The following GREB1L variants were observed in gnomAD, a reference collection of about 807,000 sequenced individuals.
GREB1L encodes the protein GREB1 like retinoic acid receptor coactivator, also known as GREB1-like protein.
A neutral mutation model predicts 200.8 loss-of-function variants in GREB1L; 17 were observed. The observed-to-expected ratio is 0.08, with a 90% confidence interval of 0.06 to 0.13. The LOEUF (loss-of-function observed/expected upper bound fraction) is 0.13. Ranked by LOEUF, GREB1L falls within the 10% of genes least tolerant of loss-of-function variation. The pLI, the probability that GREB1L is intolerant of heterozygous loss-of-function variation, is 1.00. For missense variants in GREB1L, 1,657 were observed against 2,367.7 expected (o/e 0.70, Z 6.23); for synonymous variants, 789 against 893.0 (o/e 0.88, Z 2.08).
At chr18:21,419,853 A>G (rs957491386) in intron 7 of GREB1L, among the ~76,000 whole-genome samples, 1 of 152,220 alleles carries the variant, frequency 6.6e-6, no homozygotes, top group Non-Finnish European at 1.5e-5. Flanking sequence ...CAAAAACATG[A>G]ACTTTGATCT....
intron 7 of GREB1L, among the ~76,000 whole-genome samples, chr18:21,415,383 G>T (rs1241139589): frequency 3.9e-5 from 6 of 152,110 alleles, no homozygotes; most frequent in Non-Finnish European, 8.8e-5. Context: ...AGGCATGATG[G>T]CGTGTGCCTG....
At chr18:21,360,417 C>T (rs1251210704) in intron 1 of GREB1L, among the ~76,000 whole-genome samples, 1 of 151,874 alleles carries the variant, frequency 6.6e-6, no homozygotes, top group Non-Finnish European at 1.5e-5. Flanking sequence ...GTAGAGATGG[C>T]GTTTCGCCAT....
At chr18:21,328,368 A>G (rs2039056506) in intron 1 of GREB1L, among the ~76,000 whole-genome samples, 1 of 152,194 alleles carries the variant, frequency 6.6e-6, no homozygotes, top group African/African-American at 2.4e-5. Flanking sequence ...TGCTTTGTGT[A>G]TCCCAGTAAG....
intron 27 of GREB1L, among the ~76,000 whole-genome samples, chr18:21,512,014 T>C (rs2037257760): frequency 6.6e-6 from 1 of 152,190 alleles, no homozygotes; most frequent in Non-Finnish European, 1.5e-5. Context: ...TCAAAAATCA[T>C]TTGACCATAT....
At chr18:21,419,443 A>G (rs533123246) in intron 7 of GREB1L, among the ~76,000 whole-genome samples, 1 of 152,236 alleles carries the variant, frequency 6.6e-6, no homozygotes, top group South Asian at 2.1e-4. Context: ...ACATACAGGG[A>G]CAACTGACTT....
In GREB1L at chr18:21,524,733, T is replaced by A. The variant is rs181085403; in HGVS notation, c.*1912T>A. On this transcript the variant is annotated 3_prime_UTR_variant, in exon 33 of 33. Transcript: ENST00000424526. Reference sequence around the variant, plus strand: ...AGAACTTTTTTTTTAAGTAGTTACATCAGATGCAGGTACTCCATTAGTTAG... The same window carrying A: ...AGAACTTTTTTTTTAAGTAGTTACAACAGATGCAGGTACTCCATTAGTTAG... 3.3e-5 allele frequency: 5 copies of A among 152,208 alleles called. No homozygotes were observed. Among genetic ancestry groups the A allele is most frequent in the African/African-American group, 1.2e-4 (5 of 41,550 alleles). 9.4% of individuals were successfully genotyped at this position (152,208 alleles called of 1,614,324 possible).
chr18:21,444,500 A>G (rs2034097698), intron 11 of GREB1L, 91 bp downstream of exon 11: 2 of 1,028,442 alleles, frequency 1.9e-6, no homozygotes, highest in Non-Finnish European at 2.8e-6. Flanking sequence ...TTATCCTCCT[A>G]TCTCTTATTT....
chr18:21,484,179 A>ATT (rs796268088), intron 17 of GREB1L, among the ~76,000 whole-genome samples: 1 of 141,328 alleles, frequency 7.1e-6, no homozygotes, highest in Admixed American at 7.2e-5. Flanking sequence ...TATATATATA[A>ATT]TTTTTTTTTT....
intron 1 of GREB1L, among the ~76,000 whole-genome samples, chr18:21,316,136 G>C (rs1184195981): frequency 6.6e-6 from 1 of 152,166 alleles, no homozygotes; most frequent in Non-Finnish European, 1.5e-5. Flanking sequence ...CCCATCACAT[G>C]ATGAGGAAAG....
chr18:21,364,706 G>A (rs2039636282), intron 1 of GREB1L, among the ~76,000 whole-genome samples: 2 of 152,174 alleles, frequency 1.3e-5, no homozygotes, highest in Admixed American at 1.3e-4. Flanking sequence ...GTGGCCCAGG[G>A]CCAAAGGTCT....
intron 11 of GREB1L, among the ~76,000 whole-genome samples, chr18:21,448,975 C>T (rs2034384672): frequency 6.6e-6 from 1 of 152,138 alleles, no homozygotes; most frequent in Non-Finnish European, 1.5e-5. Flanking sequence ...AGGCTGCCTC[C>T]AATATCACTT....
chr18:21,325,064 A>G (rs1294181120), intron 1 of GREB1L, among the ~76,000 whole-genome samples: 1 of 152,130 alleles, frequency 6.6e-6, no homozygotes, highest in African/African-American at 2.4e-5. Context: ...CTACTGGTAG[A>G]AGTCTGTTTT....
chr18:21,472,895 G>GA, intron 15 of GREB1L, 136 bp from the exon 16 acceptor site: 1 of 558,554 alleles, frequency 1.8e-6, no homozygotes, highest in Non-Finnish European at 3.1e-6. Flanking sequence ...ACATAAGAAA[G>GA]AAAAAACATC....
intron 7 of GREB1L, among the ~76,000 whole-genome samples, chr18:21,405,077 T>G (rs2030014965): frequency 6.6e-6 from 1 of 152,244 alleles, no homozygotes; most frequent in Non-Finnish European, 1.5e-5. Flanking sequence ...TTTCTTGCTA[T>G]GTGCCTGTAC....
intron 4 of GREB1L, among the ~76,000 whole-genome samples, chr18:21,389,279 G>C (rs1409904319): frequency 2.0e-5 from 3 of 149,588 alleles, no homozygotes; most frequent in South Asian, 2.1e-4. Context: ...TTGGACATTG[G>C]GATCTCAGTT....
chr18:21,514,234 C>T (rs189724719), intron 28 of GREB1L, among the ~76,000 whole-genome samples: 4 of 152,246 alleles, frequency 2.6e-5, no homozygotes, highest in South Asian at 2.1e-4. Context: ...AAGTCTACTG[C>T]GGCCAGGCAC....
At chr18:21,451,478 C>CT (rs58956525) in intron 13 of GREB1L, 97 of 77,584 alleles carry the variant, frequency 1.3e-3, no homozygotes, top group African/African-American at 3.5e-3. Flanking sequence ...TCCTTCCTTC[C>CT]TTTTTTTTTT....
chr18:21,317,476 A>C (rs2038889517), intron 1 of GREB1L: 1 of 151,772 alleles, frequency 6.6e-6, no homozygotes. Flanking sequence ...GGTGGCATGC[A>C]CCTGTAGTCC....
intron 4 of GREB1L, among the ~76,000 whole-genome samples, chr18:21,385,659 A>G (rs1719732276): frequency 1.3e-5 from 2 of 152,128 alleles, no homozygotes; most frequent in African/African-American, 2.4e-5. Context: ...GACTAGCATT[A>G]TGTTTCTTCT....
Sources: allele counts gnomAD v4.1 joint callset (sites outside exome capture counted in the v4.1 genomes callset), GRCh38; gene constraint gnomAD v4.1.1; transcripts MANE v1.5; gene names NCBI Gene and HGNC (gene_info 2026-07-23, HGNC 2026-07-21).